Variants in EDEM3 observed in about 807,000 individuals in gnomAD.
The protein encoded by EDEM3 is ER degradation-enhancing alpha-mannosidase-like protein 3.
EDEM3 carries 60 observed loss-of-function variants against 110.2 expected under a neutral mutation model. The observed-to-expected ratio is 0.54, with a 90% CI of 0.44 to 0.67. EDEM3 has a LOEUF of 0.67. EDEM3 is among the 30% of genes least tolerant of loss of function. The pLI is 0.00. For missense variants in EDEM3, 996 were observed against 1,121.0 expected (o/e 0.89, Z 1.59); for synonymous variants, 352 against 382.9 (o/e 0.92, Z 0.94).
rs1307484943 is a variant in EDEM3, at chr1:184,702,829, C to T, written c.2371G>A (p.Asp791Asn). Residue 791 changes from aspartate (D) to asparagine (N), a missense_variant, in exon 19 of 20, where the codon GAT becomes AAT. Asp to Asn is a conservative substitution (Grantham distance 23). Around this residue, in one of 5 missense-constraint regions of EDEM3, gnomAD observed 345 missense variants for 402.0 expected, o/e 0.86. Coordinates refer to ENST00000318130, the MANE Select transcript of EDEM3 (RefSeq NM_025191.4). ...EYEEVEVLLS[D>N]KAKDRDPEME... ...CTCTTACCTCGATCTTTTGCTTTAT[C>T]AGAGAGGAGCACTTCTACCTCCTCA... 6.2e-7 allele frequency: 1 copy of T among 1,600,494 alleles called. No individual in the cohort carries two copies. The highest frequency in any genetic ancestry group is 8.5e-7 in the Non-Finnish European group (1 of 1,174,810).
chr1:184,699,447 G>A (rs1344700971), intron 19 of EDEM3, among the ~76,000 whole-genome samples: 2 of 151,862 alleles, frequency 1.3e-5, no homozygotes, highest in Admixed American at 1.3e-4. Context: ...GAAAATGCAT[G>A]AGAAAACATG....
chr1:184,723,200 C>G (rs113488126), intron 8 of EDEM3, among the ~76,000 whole-genome samples: 1 of 151,904 alleles, frequency 6.6e-6, no homozygotes, highest in African/African-American at 2.4e-5. Context: ...GTAGTACATG[C>G]CCGGCACTGT....
intron 1 of EDEM3, among the ~76,000 whole-genome samples, chr1:184,753,219 A>T (rs923528418): frequency 5.3e-5 from 8 of 150,526 alleles, no homozygotes; most frequent in Non-Finnish European, 8.9e-5. Context: ...TTTCTTTTTT[A>T]AAAAAAACAT....
intron 4 of EDEM3, among the ~76,000 whole-genome samples, 156 bp downstream of exon 4, chr1:184,736,869 T>A (rs889569748): frequency 2.0e-5 from 3 of 152,188 alleles, no homozygotes; most frequent in Non-Finnish European, 2.9e-5. Context: ...TTTGACATCA[T>A]CAACTCAACA....
intron 2 of EDEM3, among the ~76,000 whole-genome samples, chr1:184,744,085 A>C (rs527715302): frequency 2.0e-5 from 3 of 151,620 alleles, no homozygotes; most frequent in African/African-American, 7.2e-5. Context: ...AATAAACTGG[A>C]TTGATCATAA....
chr1:184,718,119 CTCTT>C (rs1650657993), intron 11 of EDEM3, among the ~76,000 whole-genome samples: 2 of 152,066 alleles, frequency 1.3e-5, no homozygotes, highest in Admixed American at 6.5e-5. Flanking sequence ...TCACATAGTT[CTCTT>C]TTTTTGTGGT....
chr1:184,699,859 TG>T (rs369861935), intron 19 of EDEM3, among the ~76,000 whole-genome samples: 21 of 152,012 alleles, frequency 1.4e-4, no homozygotes, highest in African/African-American at 3.1e-4. Context: ...AAAATGCTGA[TG>T]TTTTTTTCCC....
chr1:184,712,650 C>A, intron 13 of EDEM3, 52 bp from the exon 14 acceptor site: 1 of 1,247,730 alleles, frequency 8.0e-7, no homozygotes, highest in Non-Finnish European at 1.1e-6. Context: ...AATTTAAATG[C>A]CAACTATATG....
chr1:184,730,721 G>A (rs1296643521), intron 6 of EDEM3, among the ~76,000 whole-genome samples: 1 of 152,136 alleles, frequency 6.6e-6, no homozygotes, highest in African/African-American at 2.4e-5. Flanking sequence ...TAAATTGATA[G>A]GTAAAGCATT....
intron 4 of EDEM3, among the ~76,000 whole-genome samples, chr1:184,736,683 T>C (rs559012883): frequency 6.6e-6 from 1 of 152,202 alleles, no homozygotes; most frequent in East Asian, 1.9e-4. Flanking sequence ...TTGATATCAT[T>C]TTGGCATGTC....
chr1:184,726,190 A>T, intron 7 of EDEM3, 65 bp downstream of exon 7: 1 of 1,535,764 alleles, frequency 6.5e-7, no homozygotes, highest in Non-Finnish European at 8.8e-7. Flanking sequence ...ATATTTAACC[A>T]ATGAAGAAGA....
chr1:184,722,977 C>A (rs1326392196), intron 8 of EDEM3, among the ~76,000 whole-genome samples: 1 of 151,836 alleles, frequency 6.6e-6, no homozygotes, highest in African/African-American at 2.4e-5. Context: ...TAACAATATT[C>A]CAACGCTGAT....
rs745604474 is a variant in EDEM3, at chr1:184,694,406, T to C, written c.2456A>G (p.Gln819Arg). The stretch of plus-strand genomic sequence containing the variant: ...AACCTCCTGAGAACTTGATGAAATC[T>C]GTTCACCACTCTGATTCTGAGAATC... ...ENDSQNQSGEQISSSSQEVDL... is the reference protein window; with the variant it reads ...ENDSQNQSGERISSSSQEVDL... The change falls in exon 20 of 20, where the codon CAG becomes CGG. Residue 819 changes from glutamine (Q) to arginine (R), a missense_variant. Gln to Arg is a conservative substitution (Grantham distance 43). Coordinates refer to ENST00000318130, the MANE Select transcript of EDEM3 (RefSeq NM_025191.4). The C allele has an allele frequency of 1.6e-5, 25 of 1,611,182 alleles. No homozygotes were observed. The highest frequency in any genetic ancestry group is 2.0e-5 in the Non-Finnish European group (24 of 1,178,894).
chr1:184,711,712 A>G lies in EDEM3; in HGVS notation c.1691+11T>C, dbSNP rs752775589. 1.9e-6 allele frequency: 3 copies of G among 1,568,978 alleles called. No homozygotes were observed. The highest frequency in any genetic ancestry group is 2.6e-6 in the Non-Finnish European group (3 of 1,162,598). ...CTTTGATATTAGAAAATATAAAATAATACATCTTACACTCTGATGATGCCT... is the reference window on the plus strand; with the variant it reads ...CTTTGATATTAGAAAATATAAAATAGTACATCTTACACTCTGATGATGCCT... On this transcript the variant is annotated intron_variant, in intron 15 of 19. Transcript: ENST00000318130.
intron 1 of EDEM3, among the ~76,000 whole-genome samples, chr1:184,750,070 G>A (rs1378593395): frequency 3.3e-5 from 5 of 152,238 alleles, no homozygotes; most frequent in East Asian, 1.9e-4. Context: ...AAATAACAAC[G>A]CTTTATGAAG....
At chr1:184,728,108 A>G (rs541742345) in intron 6 of EDEM3, among the ~76,000 whole-genome samples, 21 of 152,314 alleles carry the variant, frequency 1.4e-4, no homozygotes, top group Non-Finnish European at 2.5e-4. Flanking sequence ...TTACTTACCT[A>G]CCATGTGGGG....
chr1:184,728,235 A>C (rs1651298999), intron 6 of EDEM3, among the ~76,000 whole-genome samples: 1 of 152,208 alleles, frequency 6.6e-6, no homozygotes, highest in Non-Finnish European at 1.5e-5. Context: ...AAAAGTCATA[A>C]ATTAAGTGCC....
At chr1:184,718,730 G>A (rs1650693684) in intron 11 of EDEM3, among the ~76,000 whole-genome samples, 1 of 152,126 alleles carries the variant, frequency 6.6e-6, no homozygotes, top group Admixed American at 6.5e-5. Flanking sequence ...TACATTTCCA[G>A]AGGGCATGTG....
rs111917956 is a variant in EDEM3, at chr1:184,719,103, C to CGTGT, written c.1161+55_1161+58dup. 48 of 861,550 alleles carry CGTGT rather than the reference C, an allele frequency of 5.6e-5. No homozygotes were observed. The East Asian group carries it at 9.9e-4, about 18-fold the overall frequency. The allele number at this position is 861,550 out of a possible 1,614,324, so 53.4% of individuals were successfully genotyped here. On this transcript the variant is annotated intron_variant, in intron 11 of 19. Coordinates refer to ENST00000318130, the MANE Select transcript of EDEM3 (RefSeq NM_025191.4). ...TAGCAACTTATAGTGTATATGTGTA[C>CGTGT]GTGTGTGTGTGTGTGTGTTTGTGTG...
Sources: allele counts gnomAD v4.1 joint callset (sites outside exome capture counted in the v4.1 genomes callset), GRCh38; gene constraint gnomAD v4.1.1; regional missense constraint gnomAD v4.1.1; transcripts MANE v1.5; gene names NCBI Gene and HGNC (gene_info 2026-07-23, HGNC 2026-07-21).